The following DGKB variants were observed in gnomAD, a reference collection of about 807,000 sequenced individuals.
The protein encoded by DGKB is diacylglycerol kinase beta.
Under a neutral mutation model 114.3 loss-of-function variants are expected in DGKB, and 67 were observed. That is an observed-to-expected ratio of 0.59 (90% confidence interval 0.48 to 0.72). The LOEUF (loss-of-function observed/expected upper bound fraction) is 0.72. DGKB is among the 30% of genes least tolerant of loss of function. DGKB has a pLI of 0.00. For missense variants in DGKB, 907 were observed against 975.2 expected (o/e 0.93, Z 0.93); for synonymous variants, 398 against 323.1 (o/e 1.23, Z -2.49).
intron 21 of DGKB, among the ~76,000 whole-genome samples, chr7:14,426,909 C>T (rs1827655355): frequency 6.6e-6 from 1 of 151,076 alleles, no homozygotes; most frequent in African/African-American, 2.4e-5. Flanking sequence ...AAAATACAAA[C>T]ATTAGCCAGG....
chr7:14,149,270 GAAT>G (rs767980111), intron 25 of DGKB, 32 bp from the exon 26 acceptor site: 3 of 1,465,742 alleles, frequency 2.0e-6, no homozygotes, highest in Non-Finnish European at 1.9e-6. Context: ...GAGAGAGAAA[GAAT>G]AGAGTAATCT....
At chr7:14,227,091 A>G (rs60476509) in intron 23 of DGKB, among the ~76,000 whole-genome samples, 9,885 of 152,020 alleles carry the variant, frequency 0.065, 1,100 homozygotes, top group African/African-American at 0.23. Flanking sequence ...TCCAGAAAGG[A>G]TATGTGACTT....
At chr7:14,198,461 C>G (rs766114758) in intron 23 of DGKB, among the ~76,000 whole-genome samples, 2 of 151,960 alleles carry the variant, frequency 1.3e-5, no homozygotes, top group Admixed American at 6.6e-5. Flanking sequence ...CTAAATCAGT[C>G]CCCCAAACCC....
chr7:14,186,206 A>T (rs1444207281), intron 23 of DGKB, among the ~76,000 whole-genome samples: 1 of 152,232 alleles, frequency 6.6e-6, no homozygotes, highest in Non-Finnish European at 1.5e-5. Flanking sequence ...TGGGCTAAGG[A>T]CATGAATAGA....
intron 1 of DGKB, among the ~76,000 whole-genome samples, chr7:14,909,190 T>C (rs1487938999): frequency 2.6e-5 from 4 of 152,170 alleles, no homozygotes; most frequent in African/African-American, 9.6e-5. Flanking sequence ...CTTCATCATG[T>C]ATGTACTGTG....
At chr7:14,369,793 T>A (rs1817323514) in intron 21 of DGKB, among the ~76,000 whole-genome samples, 1 of 152,254 alleles carries the variant, frequency 6.6e-6, no homozygotes, top group Non-Finnish European at 1.5e-5. Context: ...TAAATTCGTT[T>A]AAGTTCCTTG....
At chr7:14,468,425 C>T (rs1436182723) in intron 21 of DGKB, among the ~76,000 whole-genome samples, 1 of 151,900 alleles carries the variant, frequency 6.6e-6, no homozygotes, top group Admixed American at 6.6e-5. Flanking sequence ...CCATAAAACA[C>T]GAGATAAATT....
At chr7:14,184,921 C>T (rs1250618098) in intron 23 of DGKB, among the ~76,000 whole-genome samples, 1 of 152,114 alleles carries the variant, frequency 6.6e-6, no homozygotes, top group Non-Finnish European at 1.5e-5. Flanking sequence ...CAACATAATA[C>T]TGAATGGGGA....
chr7:14,623,332 A>G (rs1212037570), intron 14 of DGKB, among the ~76,000 whole-genome samples: 1 of 152,112 alleles, frequency 6.6e-6, no homozygotes, highest in Non-Finnish European at 1.5e-5. Context: ...GTACCATTTC[A>G]ATTTCTATAA....
intron 21 of DGKB, among the ~76,000 whole-genome samples, chr7:14,469,835 T>G (rs1351701729): frequency 6.6e-6 from 1 of 151,968 alleles, no homozygotes; most frequent in African/African-American, 2.4e-5. Flanking sequence ...TGTAAGAGAT[T>G]TATATAAATA....
Position 14,147,741 on chromosome 7 carries a change from T to C in DGKB, c.*1390A>G, listed in dbSNP as rs1394305263. On this transcript the variant is annotated 3_prime_UTR_variant, in exon 26 of 26. Transcript: ENST00000402815. ...TGCAATGATGAGATGCAGGTCAATA[T>C]GAATGAACAATATTACAAGACTGCT... 1 of 152,540 alleles carries C rather than the reference T, an allele frequency of 6.6e-6. No individual in the cohort carries two copies. Among genetic ancestry groups the C allele is most frequent in the African/African-American group, 2.4e-5 (1 of 41,446 alleles). 9.4% of individuals were successfully genotyped at this position (152,540 alleles called of 1,614,324 possible).
At chr7:14,891,039 TAA>T (rs1781139646) in intron 1 of DGKB, among the ~76,000 whole-genome samples, 2 of 151,350 alleles carry the variant, frequency 1.3e-5, no homozygotes, top group African/African-American at 4.8e-5. Flanking sequence ...CTGTTAAACA[TAA>T]AAGAGAGGAA....
chr7:14,821,771 G>T (rs1844970184), intron 2 of DGKB, among the ~76,000 whole-genome samples: 1 of 152,120 alleles, frequency 6.6e-6, no homozygotes, highest in Admixed American at 6.5e-5. Flanking sequence ...GAATTTATTG[G>T]CCTCTCTGTG....
rs1259515615 is a variant in DGKB, at chr7:14,891,210, A to T, written c.-188+11382T>A. ...GCTAATAGTACCAAACTCTATATAT[A>T]CTACAATATAGTGCATTTCAGAGAA... On this transcript the variant is annotated intron_variant, in intron 1 of 25. Coordinates refer to ENST00000402815, the MANE Select transcript of DGKB (RefSeq NM_001350709.2). Among the ~76,000 whole-genome samples, 7 of 151,526 alleles carry T rather than the reference A, an allele frequency of 4.6e-5. No homozygotes were observed. In the East Asian group the frequency reaches 1.4e-3, roughly 29 times the overall value.
chr7:14,609,349 A>G (rs1805101489), intron 16 of DGKB, among the ~76,000 whole-genome samples: 1 of 152,104 alleles, frequency 6.6e-6, no homozygotes. Flanking sequence ...ATGCAGAAAA[A>G]TGAAACTGGA....
chr7:14,286,551 CA>C (rs1385103938), intron 23 of DGKB, among the ~76,000 whole-genome samples: 29 of 152,046 alleles, frequency 1.9e-4, no homozygotes, highest in Admixed American at 2.0e-4. Flanking sequence ...TAAATAGTCA[CA>C]TAATGGAAAA....
chr7:14,643,147 A>G (rs911154061), intron 13 of DGKB, among the ~76,000 whole-genome samples: 1 of 152,212 alleles, frequency 6.6e-6, no homozygotes, highest in African/African-American at 2.4e-5. Context: ...CTGATGGCAC[A>G]ATAAAAATAA....
chr7:14,526,503 G>C (rs1213411959), intron 20 of DGKB, among the ~76,000 whole-genome samples: 1 of 152,054 alleles, frequency 6.6e-6, no homozygotes, highest in Non-Finnish European at 1.5e-5. Context: ...ACAATGGGAA[G>C]AGTCAACAAA....
chr7:14,881,345 A>T (rs217573), intron 1 of DGKB, among the ~76,000 whole-genome samples: 142,926 of 152,230 alleles, frequency 0.94, 67,612 homozygotes, highest in Non-Finnish European at 1. Context: ...TTTTGAAGCA[A>T]TTTTAGTACA....
Sources: gnomAD v4.1 joint callset for allele counts (sites outside exome capture counted in the v4.1 genomes callset) on GRCh38, gnomAD v4.1.1 for gene constraint, MANE v1.5 for transcripts, NCBI Gene and HGNC (gene_info 2026-07-23, HGNC 2026-07-21) for gene names.